Variants in IMPG1 observed in about 807,000 individuals in gnomAD.
The protein encoded by IMPG1 is interphotoreceptor matrix proteoglycan 1.
In IMPG1, 85 loss-of-function variants were observed where a neutral mutation model predicts 92.0. The observed-to-expected ratio is 0.92, with a 90% CI of 0.78 to 1.11. IMPG1 has a LOEUF of 1.11. IMPG1 is among the 50% of genes least tolerant of loss of function. The pLI is 0.00. For missense variants in IMPG1, 1,022 were observed against 956.0 expected (o/e 1.07, Z -0.91); for synonymous variants, 367 against 334.1 (o/e 1.10, Z -1.08).
chr6:76,001,457 C>A (rs934387521), intron 12 of IMPG1, among the ~76,000 whole-genome samples: 1 of 152,156 alleles, frequency 6.6e-6, no homozygotes, highest in African/African-American at 2.4e-5. Context: ...CCCTTTGAAT[C>A]TAGATGGGCT....
intron 7 of IMPG1, among the ~76,000 whole-genome samples, chr6:76,015,979 C>A (rs965047085): frequency 3.3e-5 from 5 of 152,070 alleles, no homozygotes; most frequent in Non-Finnish European, 7.4e-5. Context: ...CTTTGCCAGA[C>A]AATAAAAGTG....
rs566454505 is a variant in IMPG1, at chr6:75,950,714, A to G, written c.1672T>C (p.Tyr558His). 3.1e-6 allele frequency: 5 copies of G among 1,614,006 alleles called. No individual in the cohort carries two copies. In the East Asian group the frequency reaches 6.7e-5, roughly 22 times the overall value. ...EDTTPVSALQ[Y>H]ITTSSMTIAP... ...ATGGTCATAGAACTAGTGGTGATAT[A>G]CTGTAAAGCTGAGACAGGAGTGGTA... Residue 558 changes from tyrosine (Y) to histidine (H), a missense_variant, in exon 13 of 17, where the codon TAT becomes CAT. Transcript: ENST00000369950.
At chr6:76,060,245 G>C (rs1353647019) in intron 1 of IMPG1, among the ~76,000 whole-genome samples, 1 of 152,144 alleles carries the variant, frequency 6.6e-6, no homozygotes, top group East Asian at 1.9e-4. Flanking sequence ...AATGTAAATG[G>C]GAAAATATTT....
intron 7 of IMPG1, among the ~76,000 whole-genome samples, chr6:76,014,740 C>G (rs1783253767): frequency 6.6e-6 from 1 of 152,154 alleles, no homozygotes; most frequent in South Asian, 2.1e-4. Flanking sequence ...ATTGTAGATG[C>G]CTGCAGCTGC....
At chr6:75,995,603 TATA>T (rs1782885275) in intron 12 of IMPG1, among the ~76,000 whole-genome samples, 1 of 152,250 alleles carries the variant, frequency 6.6e-6, no homozygotes, top group Non-Finnish European at 1.5e-5. Context: ...ACATAGAATT[TATA>T]ATAAGGAATA....
intron 6 of IMPG1, among the ~76,000 whole-genome samples, chr6:76,020,474 G>A (rs939754405): frequency 1.3e-5 from 2 of 152,206 alleles, no homozygotes; most frequent in Non-Finnish European, 2.9e-5. Flanking sequence ...TGTAGAGCTG[G>A]TGAGGCTGAA....
chr6:76,021,906 T>G (rs1783433033), intron 6 of IMPG1, among the ~76,000 whole-genome samples: 1 of 150,682 alleles, frequency 6.6e-6, no homozygotes. Flanking sequence ...TCCTCCCCTT[T>G]TATTCTAGGT....
intron 8 of IMPG1, among the ~76,000 whole-genome samples, chr6:76,010,961 C>T (rs1783173067): frequency 6.6e-6 from 1 of 152,186 alleles, no homozygotes; most frequent in South Asian, 2.1e-4. Flanking sequence ...GGAAGGAATA[C>T]AGCTCCTGTG....
At chr6:76,049,036 A>T (rs1009648739) in intron 1 of IMPG1, among the ~76,000 whole-genome samples, 4 of 152,230 alleles carry the variant, frequency 2.6e-5, no homozygotes, top group Non-Finnish European at 4.4e-5. Flanking sequence ...GAATGAATTC[A>T]TGTCCTTTGC....
At chr6:75,947,985 C>A (rs1781956613) in intron 13 of IMPG1, among the ~76,000 whole-genome samples, 1 of 152,160 alleles carries the variant, frequency 6.6e-6, no homozygotes, top group Admixed American at 6.5e-5. Context: ...TTAAAACAAA[C>A]AACAACTTAA....
chr6:75,939,986 C>T (rs1781811284), intron 14 of IMPG1, among the ~76,000 whole-genome samples: 1 of 152,244 alleles, frequency 6.6e-6, no homozygotes, highest in Non-Finnish European at 1.5e-5. Context: ...GAACTGTCCA[C>T]TTAAGTGCCC....
intron 6 of IMPG1, among the ~76,000 whole-genome samples, chr6:76,019,224 GC>G (rs1228694931): frequency 6.6e-6 from 1 of 152,126 alleles, no homozygotes; most frequent in Non-Finnish European, 1.5e-5. Context: ...CATCCTTCTT[GC>G]CTGTTGGTCT....
chr6:75,968,071 G>A (rs1301312411), intron 12 of IMPG1, among the ~76,000 whole-genome samples: 1 of 152,220 alleles, frequency 6.6e-6, no homozygotes, highest in Non-Finnish European at 1.5e-5. Context: ...AGCTGTGGGA[G>A]TTGTTGTAGA....
At chr6:76,024,478 T>A (rs2149484514) in intron 5 of IMPG1, among the ~76,000 whole-genome samples, 1 of 152,264 alleles carries the variant, frequency 6.6e-6, no homozygotes, top group African/African-American at 2.4e-5. Context: ...GGAGAAATGA[T>A]TTTCCTCTGC....
chr6:76,044,818 C>T (rs1037274818), intron 1 of IMPG1, among the ~76,000 whole-genome samples: 7 of 152,150 alleles, frequency 4.6e-5, no homozygotes, highest in African/African-American at 1.7e-4. Flanking sequence ...GAATTTTTCC[C>T]AGGTGGATCC....
At chr6:76,026,972 T>G (rs1783551968) in intron 4 of IMPG1, among the ~76,000 whole-genome samples, 1 of 152,220 alleles carries the variant, frequency 6.6e-6, no homozygotes, top group Non-Finnish European at 1.5e-5. Flanking sequence ...ATAGCCCCAT[T>G]CAGTGACTAG....
intron 5 of IMPG1, among the ~76,000 whole-genome samples, chr6:76,022,858 G>A (rs915555823): frequency 6.6e-6 from 1 of 152,144 alleles, no homozygotes; most frequent in Non-Finnish European, 1.5e-5. Flanking sequence ...AAAATGCTCA[G>A]AGAAAATAGT....
At chr6:75,948,793 T>C (rs904084949) in intron 13 of IMPG1, among the ~76,000 whole-genome samples, 5 of 152,174 alleles carry the variant, frequency 3.3e-5, no homozygotes, top group African/African-American at 1.2e-4. Flanking sequence ...GTGGCAAGGA[T>C]GGCCATGTGA....
intron 12 of IMPG1, among the ~76,000 whole-genome samples, chr6:75,998,672 T>G (rs1582094365): frequency 6.6e-6 from 1 of 152,340 alleles, no homozygotes; most frequent in East Asian, 1.9e-4. Context: ...TCTCTCCTGA[T>G]AGACCAGATG....
Sources: gnomAD v4.1 joint callset for allele counts (sites outside exome capture counted in the v4.1 genomes callset) on GRCh38, gnomAD v4.1.1 for gene constraint, MANE v1.5 for transcripts, NCBI Gene and HGNC (gene_info 2026-07-23, HGNC 2026-07-21) for gene names.